CSMD3: variants seen among roughly 807,000 people sequenced by gnomAD.
The protein encoded by CSMD3 is CUB and Sushi multiple domains 3.
Under a neutral mutation model 435.2 loss-of-function variants are expected in CSMD3, and 177 were observed. The ratio of observed to expected loss-of-function variants is 0.41; its 90% CI spans 0.36 to 0.46. CSMD3 has a LOEUF of 0.46. CSMD3 is among the 20% of genes least tolerant of loss of function. The pLI, the probability that CSMD3 is intolerant of heterozygous loss-of-function variation, is 0.34. For missense variants in CSMD3, 4,265 were observed against 4,504.6 expected, an observed-to-expected ratio of 0.95 and a Z score of 1.52; for synonymous variants, 1,656 against 1,520.5, an observed-to-expected ratio of 1.09 and a Z score of -2.07.
chr8:113,339,704 A>C (rs2094104494), intron 1 of CSMD3, among the ~76,000 whole-genome samples: 1 of 151,900 alleles, frequency 6.6e-6, no homozygotes, highest in Non-Finnish European at 1.5e-5. Flanking sequence ...TTCACCTGTT[A>C]CTGAGCAACT....
At chr8:112,383,484 G>A (rs1563870762) in intron 37 of CSMD3, 83 bp downstream of exon 37, 1 of 774,490 alleles carries the variant, frequency 1.3e-6, no homozygotes, top group Non-Finnish European at 2.3e-6. Context: ...AAACTACCAA[G>A]TAAGAGTTGT....
chr8:113,195,841 C>CACA (rs1564414471), intron 3 of CSMD3, among the ~76,000 whole-genome samples: 19 of 122,836 alleles, frequency 1.5e-4, no homozygotes, highest in African/African-American at 5.7e-4. Context: ...ACACACACAC[C>CACA]CCCACACACA....
chr8:112,312,509 G>A (rs1026454105), intron 49 of CSMD3, among the ~76,000 whole-genome samples: 2 of 152,080 alleles, frequency 1.3e-5, no homozygotes, highest in African/African-American at 4.8e-5. Flanking sequence ...ACTCGCCTCA[G>A]CCTCCCAAAG....
At chr8:112,350,044 C>T (rs1209758171) in intron 40 of CSMD3, among the ~76,000 whole-genome samples, 1 of 151,934 alleles carries the variant, frequency 6.6e-6, no homozygotes, top group Non-Finnish European at 1.5e-5. Context: ...CGTGGGTGCA[C>T]AAACCAAAGA....
rs1826098169 is a variant in CSMD3 at position 112,351,118 on chromosome 8, G to T, written c.6325+57C>A. 4 of 1,041,318 alleles carry T rather than the reference G, an allele frequency of 3.8e-6. No homozygotes were observed. In the Admixed American group the frequency reaches 5.2e-5, roughly 13 times the overall value. The allele number at this position is 1,041,318 out of a possible 1,614,324, so 64.5% of individuals were successfully genotyped here. On this transcript the variant is annotated intron_variant, in intron 40 of 70. Coordinates refer to ENST00000297405, the MANE Select transcript of CSMD3 (RefSeq NM_198123.2). Reference sequence around the variant, plus strand: ...TGATGAAGCTTACAAATACTTTATAGTCTTTTTTTTTACACTTTAAGTTCT... The same window carrying T: ...TGATGAAGCTTACAAATACTTTATATTCTTTTTTTTTACACTTTAAGTTCT...
At chr8:113,189,172 C>T (rs575136240) in intron 3 of CSMD3, among the ~76,000 whole-genome samples, 1 of 151,848 alleles carries the variant, frequency 6.6e-6, no homozygotes, top group South Asian at 2.1e-4. Context: ...CCTTTTTAAG[C>T]ATTATACCTA....
At chr8:112,843,661 G>C (rs764142133) in intron 11 of CSMD3, among the ~76,000 whole-genome samples, 4 of 151,808 alleles carry the variant, frequency 2.6e-5, no homozygotes, top group Non-Finnish European at 5.9e-5. Context: ...TTTGAAGATG[G>C]AGGAAGAAGA....
intron 6 of CSMD3, among the ~76,000 whole-genome samples, chr8:112,990,079 A>G (rs2085396118): frequency 6.6e-6 from 1 of 152,000 alleles, no homozygotes; most frequent in South Asian, 2.1e-4. Flanking sequence ...CATGATTGTG[A>G]GGCCTCCCCA....
At chr8:112,507,621 T>C (rs1287903186) in intron 28 of CSMD3, among the ~76,000 whole-genome samples, 1 of 152,162 alleles carries the variant, frequency 6.6e-6, no homozygotes, top group Non-Finnish European at 1.5e-5. Context: ...GGTTTCGAAA[T>C]TGTAGTTTTC....
At chr8:112,717,079 T>C (rs2076748470) in intron 13 of CSMD3, among the ~76,000 whole-genome samples, 1 of 152,130 alleles carries the variant, frequency 6.6e-6, no homozygotes, top group Non-Finnish European at 1.5e-5. Flanking sequence ...GGGATCTAAT[T>C]AAGCTAAAGA....
chr8:112,910,086 T>C (rs574304161), intron 10 of CSMD3, among the ~76,000 whole-genome samples: 46 of 151,936 alleles, frequency 3.0e-4, no homozygotes, highest in African/African-American at 1.1e-3. Context: ...GGATCCTCAG[T>C]GCAGTTAAAT....
In CSMD3 at chr8:113,054,375, G is replaced by A. The variant is rs148471966; in HGVS notation, c.918-35196C>T. On this transcript the variant is annotated intron_variant, in intron 5 of 70. Transcript: ENST00000297405. ...GACACTCAAAACTACTGGGAGATAC[G>A]TGTTTTTCTCATGAATATATGTACC... is the stretch of plus-strand genomic sequence containing the variant. Among the ~76,000 whole-genome samples, 759 of 152,182 alleles carry A rather than the reference G, an allele frequency of 5.0e-3. 6 individuals are homozygous for A. The highest frequency in any genetic ancestry group is 6.5e-3 in the Non-Finnish European group (445 of 67,986).
At chr8:112,377,322 G>A (rs7831868) in intron 38 of CSMD3, among the ~76,000 whole-genome samples, 4,108 of 151,758 alleles carry the variant, frequency 0.027, 171 homozygotes, top group African/African-American at 0.094. Flanking sequence ...AAATCTACAT[G>A]GACCCATAAC....
intron 13 of CSMD3, among the ~76,000 whole-genome samples, chr8:112,735,777 T>C (rs1315386610): frequency 6.6e-6 from 1 of 152,022 alleles, no homozygotes; most frequent in African/African-American, 2.4e-5. Context: ...GAATCTCACT[T>C]TATGAAAAGA....
At chr8:112,887,515 A>G (rs538721941) in intron 10 of CSMD3, among the ~76,000 whole-genome samples, 1 of 151,696 alleles carries the variant, frequency 6.6e-6, no homozygotes, top group East Asian at 2.0e-4. Flanking sequence ...GTTTAAACAG[A>G]TAAAACTATT....
intron 58 of CSMD3, among the ~76,000 whole-genome samples, chr8:112,284,323 A>G (rs1818959870): frequency 6.6e-6 from 1 of 151,840 alleles, no homozygotes; most frequent in Non-Finnish European, 1.5e-5. Context: ...AATACCTTTC[A>G]TGTTTTATTA....
rs762794869 is a variant in CSMD3, at chr8:113,029,472, T to C, written c.918-10293A>G. 2.8e-4 allele frequency among the ~76,000 whole-genome samples: 42 copies of C among 151,578 alleles called. 1 individual carries two copies. The highest frequency in any genetic ancestry group is 5.5e-4 in the Non-Finnish European group (37 of 67,744). On this transcript the variant is annotated intron_variant, in intron 5 of 70. Coordinates refer to ENST00000297405, the MANE Select transcript of CSMD3 (RefSeq NM_198123.2). Reference sequence around the variant, plus strand: ...CCAGGGATGCAGGGATGGTTTAACATATGCAAGTCAATAAATGTGATACAC... The same window carrying C: ...CCAGGGATGCAGGGATGGTTTAACACATGCAAGTCAATAAATGTGATACAC...
intron 3 of CSMD3, among the ~76,000 whole-genome samples, chr8:113,194,740 A>G (rs2092631294): frequency 6.6e-6 from 1 of 151,202 alleles, no homozygotes; most frequent in Non-Finnish European, 1.5e-5. Context: ...TTTTCGAAAA[A>G]ACCCCTCAAA....
chr8:112,939,083 C>A (rs1020461960), intron 9 of CSMD3, among the ~76,000 whole-genome samples: 1 of 152,040 alleles, frequency 6.6e-6, no homozygotes, highest in Non-Finnish European at 1.5e-5. Context: ...AGTTTTTGAT[C>A]AAGGAGTATT....
Sources: gnomAD v4.1 joint callset for allele counts (sites outside exome capture counted in the v4.1 genomes callset) on GRCh38, gnomAD v4.1.1 for gene constraint, MANE v1.5 for transcripts, NCBI Gene and HGNC (gene_info 2026-07-23, HGNC 2026-07-21) for gene names.